Variants in ADCYAP1R1 observed in about 807,000 individuals in gnomAD.
ADCYAP1R1 encodes pituitary adenylate cyclase-activating polypeptide type I receptor.
ADCYAP1R1 carries 44 observed loss-of-function variants against 67.6 expected under a neutral mutation model. That is an observed-to-expected ratio of 0.65 (90% CI 0.51 to 0.84). ADCYAP1R1 has a LOEUF of 0.84. ADCYAP1R1 is among the 40% of genes least tolerant of loss of function. ADCYAP1R1 has a pLI of 0.00. For missense variants in ADCYAP1R1, 477 were observed against 587.9 expected, an observed-to-expected ratio of 0.81 and a Z score of 1.95; for synonymous variants, 222 against 219.6, an observed-to-expected ratio of 1.01 and a Z score of -0.10.
intron 12 of ADCYAP1R1, among the ~76,000 whole-genome samples, 197 bp from the exon 13 acceptor site, chr7:31,092,447 T>A (rs1232193199): frequency 6.6e-6 from 1 of 152,166 alleles, no homozygotes; most frequent in African/African-American, 2.4e-5. Context: ...TTCTATGGAA[T>A]CCTTTTTCTT....
intron 12 of ADCYAP1R1, among the ~76,000 whole-genome samples, chr7:31,088,198 G>C (rs1357059991): frequency 6.6e-6 from 1 of 152,152 alleles, no homozygotes; most frequent in Non-Finnish European, 1.5e-5. Context: ...CTGAGCACTT[G>C]TTTCCAAACA....
At chr7:31,105,321 G>C (rs1242328670) in intron 15 of ADCYAP1R1, among the ~76,000 whole-genome samples, 1 of 152,240 alleles carries the variant, frequency 6.6e-6, no homozygotes, top group Admixed American at 6.5e-5. Context: ...GAGCTGCTGA[G>C]CCAGGAGCTG....
chr7:31,106,653 C>T lies in ADCYAP1R1; in HGVS notation c.1376C>T (p.Ser459Phe). 1.2e-6 allele frequency: 2 copies of T among 1,611,510 alleles called. No homozygotes were observed. The highest frequency in any genetic ancestry group is 1.7e-6 in the Non-Finnish European group (2 of 1,178,728). Reference protein sequence around the residue: ...LSKSSSQIRMSGLPADNLAT With the variant: ...LSKSSSQIRMFGLPADNLAT The stretch of plus-strand genomic sequence containing the variant: ...AAGAGCAGCTCCCAAATCCGCATGT[C>T]TGGCCTCCCTGCTGACAATCTGGCC... The change falls in exon 16 of 16, where the codon TCT becomes TTT. Residue 459 changes from serine (S) to phenylalanine (F), a missense_variant. Physicochemically the swap from Ser to Phe is radical, Grantham distance 155 (BLOSUM62 -2). Coordinates refer to ENST00000304166, the MANE Select transcript of ADCYAP1R1 (RefSeq NM_001118.5).
intron 13 of ADCYAP1R1, among the ~76,000 whole-genome samples, chr7:31,098,184 C>T (rs1393296557): frequency 1.3e-5 from 2 of 152,186 alleles, no homozygotes; most frequent in Admixed American, 1.3e-4. Flanking sequence ...TTACAGGCCA[C>T]TGCGCCCAGC....
chr7:31,063,260 G>C lies in ADCYAP1R1; in HGVS notation c.-5G>C, dbSNP rs772295347. The C allele has an allele frequency of 4.3e-6, 7 of 1,614,208 alleles. No individual in the cohort carries two copies. In the East Asian group the frequency reaches 1.6e-4, roughly 36 times the overall value. On this transcript the variant is annotated 5_prime_UTR_variant, in exon 2 of 16. Transcript: ENST00000304166. The stretch of plus-strand genomic sequence containing the variant: ...GGAGGCCAGTGGTGCTGGCCAAGAA[G>C]TGTCATGGCTGGTGTCGTGCACGTT...
At chr7:31,101,611 T>C (rs1331542914) in intron 13 of ADCYAP1R1, among the ~76,000 whole-genome samples, 1 of 152,238 alleles carries the variant, frequency 6.6e-6, no homozygotes, top group Non-Finnish European at 1.5e-5. Context: ...GCACCCTCTG[T>C]TGCCTTCTGG....
intron 13 of ADCYAP1R1, chr7:31,100,055 TC>T: frequency 6.9e-7 from 1 of 1,440,638 alleles, no homozygotes. Context: ...TTTTCTGCTT[TC>T]CCTGTAAACT....
chr7:31,063,045 G>C, intron 1 of ADCYAP1R1, 149 bp from the exon 2 acceptor site: 1 of 593,494 alleles, frequency 1.7e-6, no homozygotes, highest in East Asian at 2.9e-5. Context: ...GAAGAAGAAA[G>C]AGCAAGACGG....
intron 15 of ADCYAP1R1, 21 bp downstream of exon 15, chr7:31,104,930 C>A: frequency 4.3e-6 from 7 of 1,613,950 alleles, no homozygotes; most frequent in Non-Finnish European, 5.9e-6. Context: ...GGCCCTCTGG[C>A]TTCTTGGCAG....
At chr7:31,054,857 G>A (rs1056810235) in intron 1 of ADCYAP1R1, among the ~76,000 whole-genome samples, 2 of 152,352 alleles carry the variant, frequency 1.3e-5, no homozygotes, top group African/African-American at 4.8e-5. Flanking sequence ...AGGTTTGTGA[G>A]CAGAGGGATG....
chr7:31,077,956 G>A, intron 3 of ADCYAP1R1, 35 bp from the exon 4 acceptor site: 11 of 1,494,064 alleles, frequency 7.4e-6, no homozygotes, highest in Non-Finnish European at 1.0e-5. Flanking sequence ...GGTGTGTGTG[G>A]CTGGCCCCTC....
Position 31,059,751 on chromosome 7 carries a change from G to A in ADCYAP1R1, c.-71-3443G>A, listed in dbSNP as rs569365213. 2.0e-5 allele frequency among the ~76,000 whole-genome samples: 3 copies of A among 152,290 alleles called. No homozygotes were observed. The East Asian group carries it at 5.8e-4, about 29-fold the overall frequency. On this transcript the variant is annotated intron_variant, in intron 1 of 15. Transcript: ENST00000304166. Reference sequence around the variant, plus strand: ...AGCTCTGAGCGTTGTCCAGTTGGGGGCAGTGCAGGGTTGCGGTGGGGGCAG... The same window carrying A: ...AGCTCTGAGCGTTGTCCAGTTGGGGACAGTGCAGGGTTGCGGTGGGGGCAG...
intron 9 of ADCYAP1R1, 28 bp downstream of exon 9, chr7:31,085,470 G>A: frequency 6.2e-7 from 1 of 1,605,368 alleles, no homozygotes; most frequent in Non-Finnish European, 8.5e-7. Context: ...ACCCATTAGG[G>A]CTCTGCCGGG....
Position 31,103,219 on chromosome 7 carries a change from T to C in ADCYAP1R1, c.1047-18T>C, listed in dbSNP as rs775043128. Reference sequence around the variant, plus strand: ...CCCTGGAAGTCCCCAGAGCAGATGTTTTGCTTTCCTCCGACAGGCGACTGG... The same window carrying C: ...CCCTGGAAGTCCCCAGAGCAGATGTCTTGCTTTCCTCCGACAGGCGACTGG... On this transcript the variant is annotated intron_variant, in intron 13 of 15. Transcript: ENST00000304166. The C allele has an allele frequency of 5.6e-6, 9 of 1,613,268 alleles. No homozygotes were observed. Among genetic ancestry groups the C allele is most frequent in the Non-Finnish European group, 7.6e-6 (9 of 1,179,514 alleles).
At chr7:31,103,811 G>A (rs797020069) in intron 14 of ADCYAP1R1, among the ~76,000 whole-genome samples, 8 of 152,328 alleles carry the variant, frequency 5.3e-5, no homozygotes, top group African/African-American at 1.7e-4. Flanking sequence ...ACATGAGTGA[G>A]TGGGGGGATG....
intron 12 of ADCYAP1R1, among the ~76,000 whole-genome samples, chr7:31,090,449 C>T (rs1795919807): frequency 6.6e-6 from 1 of 152,110 alleles, no homozygotes; most frequent in Non-Finnish European, 1.5e-5. Context: ...CCAGGGAATA[C>T]ATGTGCAGGT....
intron 1 of ADCYAP1R1, among the ~76,000 whole-genome samples, chr7:31,055,061 C>T (rs1405030209): frequency 6.6e-6 from 1 of 152,098 alleles, no homozygotes. Flanking sequence ...CTCTGGATGC[C>T]GTCAGAGGCA....
intron 13 of ADCYAP1R1, among the ~76,000 whole-genome samples, chr7:31,095,941 T>C (rs1336440085): frequency 1.3e-5 from 2 of 152,072 alleles, no homozygotes; most frequent in African/African-American, 4.8e-5. Flanking sequence ...ACTTGGGCAG[T>C]GGGCATCAGG....
rs575442313 is a variant in ADCYAP1R1, at chr7:31,063,434, A to C, written c.51+119A>C. 5 of 1,127,432 alleles carry C rather than the reference A, an allele frequency of 4.4e-6. No homozygotes were observed. In the East Asian group the frequency reaches 9.9e-5, roughly 22 times the overall value. The allele number at this position is 1,127,432 out of a possible 1,614,324, so 69.8% of individuals were successfully genotyped here. A position where few individuals can be genotyped will look rare whatever the true frequency, so the allele number is the denominator to read the frequency against. On this transcript the variant is annotated intron_variant, in intron 2 of 15. Coordinates refer to ENST00000304166, the MANE Select transcript of ADCYAP1R1 (RefSeq NM_001118.5). Reference sequence around the variant, plus strand: ...CTTCATCTGGCTGGTATTTCTGCCAACACCACCACTGGGCCACCCAGTGCC... The same window carrying C: ...CTTCATCTGGCTGGTATTTCTGCCACCACCACCACTGGGCCACCCAGTGCC...
Sources: allele counts gnomAD v4.1 joint callset (sites outside exome capture counted in the v4.1 genomes callset), GRCh38; gene constraint gnomAD v4.1.1; transcripts MANE v1.5; gene names NCBI Gene and HGNC (gene_info 2026-07-23, HGNC 2026-07-21).